The following KIAA0586 variants were observed in gnomAD, a reference collection of about 807,000 sequenced individuals.
KIAA0586 encodes the protein KIAA0586, also known as protein TALPID3.
A neutral mutation model predicts 169.8 loss-of-function variants in KIAA0586; 144 were observed. The ratio of observed to expected loss-of-function variants is 0.85; its 90% CI spans 0.74 to 0.97. The LOEUF (loss-of-function observed/expected upper bound fraction) is 0.97. Ranked by LOEUF, KIAA0586 falls within the 50% of genes least tolerant of loss-of-function variation. The pLI is 0.00. For missense variants in KIAA0586, 1,854 were observed against 1,823.0 expected, an observed-to-expected ratio of 1.02 and a Z score of -0.31; for synonymous variants, 625 against 612.4, an observed-to-expected ratio of 1.02 and a Z score of -0.30.
downstream of KIAA0586, among the ~76,000 whole-genome samples, chr14:58,555,094 T>C (rs1422740261): frequency 7.7e-6 from 1 of 130,564 alleles, no homozygotes; most frequent in African/African-American, 3.0e-5. Flanking sequence ...TCTTTTTCTT[T>C]CTTTCTTTTT....
chr14:58,448,028 T>C (rs1251141436), intron 6 of KIAA0586, among the ~76,000 whole-genome samples: 1 of 152,180 alleles, frequency 6.6e-6, no homozygotes, highest in Admixed American at 6.6e-5. Flanking sequence ...CTTCCTGGTC[T>C]TCTCTTAGCC....
chr14:58,442,589 G>C, intron 4 of KIAA0586, 117 bp from the exon 5 acceptor site: 1 of 694,746 alleles, frequency 1.4e-6, no homozygotes, highest in Non-Finnish European at 2.3e-6. Context: ...TTGTTTGATA[G>C]GTGATTTAAT....
chr14:58,488,029 C>G lies in KIAA0586; in HGVS notation c.3447C>G (p.Pro1149=), dbSNP rs775238728. 2 of 1,601,602 alleles carry G rather than the reference C, an allele frequency of 1.2e-6. No homozygotes were observed. The highest frequency in any genetic ancestry group is 1.7e-6 in the Non-Finnish European group (2 of 1,175,040). ...TGAAGGTATCAAGCCCAGAGCTTCC[C>G]AAGCCATGGGGTGATGGAGACCTGC... is the stretch of plus-strand genomic sequence containing the variant. The part of the protein sequence containing the change: ...DKLKVSSPEL[P]KPWGDGDLPL... The change falls in exon 23 of 31, where the codon CCC becomes CCG. Residue 1149 remains proline (P), a synonymous_variant. Coordinates refer to ENST00000652326, the MANE Select transcript of KIAA0586 (RefSeq NM_001329943.3).
chr14:58,544,218 C>CA (rs2046842152), intron 30 of KIAA0586, among the ~76,000 whole-genome samples: 1 of 152,132 alleles, frequency 6.6e-6, no homozygotes, highest in Non-Finnish European at 1.5e-5. Flanking sequence ...TTTATGGCTG[C>CA]ATGGTATTCC....
chr14:58,524,130 G>A (rs2045409880), intron 29 of KIAA0586, among the ~76,000 whole-genome samples: 1 of 152,036 alleles, frequency 6.6e-6, no homozygotes, highest in African/African-American at 2.4e-5. Flanking sequence ...AATAAATTTA[G>A]GCCAGAGATG....
At chr14:58,541,455 G>A (rs1392761746) in intron 30 of KIAA0586, among the ~76,000 whole-genome samples, 6 of 152,174 alleles carry the variant, frequency 3.9e-5, no homozygotes. Flanking sequence ...GGAATGCATT[G>A]TCTGGAAGAA....
chr14:58,434,294 T>C (rs2037625987), intron 4 of KIAA0586, among the ~76,000 whole-genome samples: 1 of 152,044 alleles, frequency 6.6e-6, no homozygotes, highest in Non-Finnish European at 1.5e-5. Context: ...AATTAAGAAA[T>C]CTAGATGAAA....
chr14:58,533,229 G>C (rs1566950907), intron 29 of KIAA0586, among the ~76,000 whole-genome samples: 1 of 152,190 alleles, frequency 6.6e-6, no homozygotes, highest in Non-Finnish European at 1.5e-5. Flanking sequence ...GTGTCAGCAT[G>C]ATCAATCATT....
rs753649082 is a variant in KIAA0586 at position 58,512,521 on chromosome 14, G to A, written c.4324-1G>A. The A allele has an allele frequency of 4.7e-6, 7 of 1,476,990 alleles. No homozygotes were observed. Among genetic ancestry groups the A allele is most frequent in the African/African-American group, 4.4e-5 (3 of 67,782 alleles). The allele number at this position is 1,476,990 out of a possible 1,614,324, so 91.5% of individuals were successfully genotyped here. ...ATGACTTCATATCTTAAATTATTTA[G>A]TACCAACTAAAGCAAAATCAGGATG... On this transcript the variant is annotated splice_acceptor_variant, in intron 28 of 30. Coordinates refer to ENST00000652326, the MANE Select transcript of KIAA0586 (RefSeq NM_001329943.3). LOFTEE classifies it high-confidence loss of function.
chr14:58,503,640 C>T (rs1334295877), intron 27 of KIAA0586, among the ~76,000 whole-genome samples: 1 of 151,686 alleles, frequency 6.6e-6, no homozygotes, highest in African/African-American at 2.4e-5. Flanking sequence ...TGAAGAAGCC[C>T]GTATAGGATG....
At position 58,477,865 on chromosome 14, in the gene KIAA0586, G is replaced by A. The variant is rs563060275; in HGVS notation, c.2944+624G>A. Among the ~76,000 whole-genome samples the A allele has an allele frequency of 1.2e-4, 17 of 136,794 alleles. 1 individual carries two copies. The South Asian group carries it at 3.0e-3, about 24-fold the overall frequency. The allele number at this position is 136,794 out of a possible 152,430, so 89.7% of individuals were successfully genotyped here. ...TCTTCTTTTTCTCTTTTCCCCTTTC[G>A]CTCTTCTCCCCATTCTCTTCCCCAT... On this transcript the variant is annotated intron_variant, in intron 20 of 30. Coordinates refer to ENST00000652326, the MANE Select transcript of KIAA0586 (RefSeq NM_001329943.3).
At position 58,470,639 on chromosome 14, in the gene KIAA0586, C is replaced by T. The variant is rs1038796362; in HGVS notation, c.2469C>T (p.Ser823=). Residue 823 remains serine (S), a synonymous_variant, in exon 17 of 31, where the codon AGC becomes AGT. Transcript: ENST00000652326. The part of the protein sequence containing the change: ...VQVLPSVDID[S]ISNSSADVLS... ...TATTACCCAGTGTAGATATTGACAG[C>T]ATTTCAAATAGTAGTGCTGATGTCC... 6 of 1,603,918 alleles carry T rather than the reference C, an allele frequency of 3.7e-6. No individual in the cohort carries two copies. The highest frequency in any genetic ancestry group is 1.7e-5 in the Admixed American group (1 of 59,810).
intron 30 of KIAA0586, among the ~76,000 whole-genome samples, chr14:58,542,595 T>C (rs2046710899): frequency 6.6e-6 from 1 of 152,182 alleles, no homozygotes; most frequent in African/African-American, 2.4e-5. Context: ...CTAGCATAAC[T>C]ATTTAGAGGC....
At chr14:58,475,763 C>T (rs2041566990) in intron 19 of KIAA0586, among the ~76,000 whole-genome samples, 1 of 151,948 alleles carries the variant, frequency 6.6e-6, no homozygotes, top group Non-Finnish European at 1.5e-5. Context: ...ATAAACAAAG[C>T]AGGATACTAA....
At chr14:58,475,856 T>G (rs1246750453) in intron 19 of KIAA0586, among the ~76,000 whole-genome samples, 1 of 152,130 alleles carries the variant, frequency 6.6e-6, no homozygotes, top group Non-Finnish European at 1.5e-5. Flanking sequence ...TCCCAGCACT[T>G]TGAGAGGCCA....
rs780810159 is a variant in KIAA0586 at position 58,450,600 on chromosome 14, A to T, written c.983A>T (p.Asp328Val). 1.3e-5 allele frequency: 21 copies of T among 1,606,258 alleles called. No individual in the cohort carries two copies. The highest frequency in any genetic ancestry group is 1.8e-5 in the Non-Finnish European group (21 of 1,177,590). ...SKQAPLKEVE[D>V]TSFDKQKSPL... is the part of the protein sequence containing the mutation. ...AAAGCACCTTTAAAAGAAGTTGAAG[A>T]TACGAGTTTTGATAAACAGAAATCT... The change falls in exon 8 of 31, where the codon GAT (aspartate) becomes GTT (valine). Residue 328 changes from aspartate (D) to valine (V), a missense_variant. Asp to Val is a radical substitution (Grantham distance 152, BLOSUM62 -3). Coordinates refer to ENST00000652326, the MANE Select transcript of KIAA0586 (RefSeq NM_001329943.3).
downstream of KIAA0586, among the ~76,000 whole-genome samples, chr14:58,553,022 A>G (rs1476928371): frequency 6.6e-6 from 1 of 152,208 alleles, no homozygotes; most frequent in African/African-American, 2.4e-5. Context: ...ATTGCTTGTC[A>G]AGCTTGATAA....
chr14:58,444,195 T>A lies in KIAA0586; in HGVS notation c.807+20T>A. On this transcript the variant is annotated intron_variant, in intron 6 of 30. Coordinates refer to ENST00000652326, the MANE Select transcript of KIAA0586 (RefSeq NM_001329943.3). ...ATTCAGGTATCTGTAATAAATCCAG[T>A]ACAGATTCCATAATCTTTTATCACT... is the stretch of plus-strand genomic sequence containing the variant. 1.4e-6 allele frequency: 2 copies of A among 1,461,088 alleles called. No homozygotes were observed. The highest frequency in any genetic ancestry group is 1.9e-6 in the Non-Finnish European group (2 of 1,046,116). The allele number at this position is 1,461,088 out of a possible 1,614,324, so 90.5% of individuals were successfully genotyped here. A position where few individuals can be genotyped will look rare whatever the true frequency, so the allele number is the denominator to read the frequency against.
chr14:58,531,439 G>C lies in KIAA0586; in HGVS notation c.4430-8632G>C, dbSNP rs2045965065. On this transcript the variant is annotated intron_variant, in intron 29 of 30. Coordinates refer to ENST00000652326, the MANE Select transcript of KIAA0586 (RefSeq NM_001329943.3). ...GTGGCCAACAAAGATCTGAAAAAAG[G>C]CTCATCATCACTGCTCATTAGAGAA... 2.0e-5 allele frequency among the ~76,000 whole-genome samples: 3 copies of C among 152,232 alleles called. No individual in the cohort carries two copies. The East Asian group carries it at 5.8e-4, about 29-fold the overall frequency.
Sources: gnomAD v4.1 joint callset for allele counts (sites outside exome capture counted in the v4.1 genomes callset) on GRCh38, gnomAD v4.1.1 for gene constraint, MANE v1.5 for transcripts, NCBI Gene and HGNC (gene_info 2026-07-23, HGNC 2026-07-21) for gene names.